The following CWF19L2 variants were observed in gnomAD, a reference collection of about 807,000 sequenced individuals.
CWF19L2 encodes CWF19-like protein 2.
Under a neutral mutation model 111.7 loss-of-function variants are expected in CWF19L2, and 98 were observed. The ratio of observed to expected loss-of-function variants is 0.88; its 90% confidence interval spans 0.75 to 1.04. CWF19L2 has a LOEUF of 1.04. Among genes scored for constraint, CWF19L2 ranks in the 50% least tolerant of loss-of-function variants. The pLI is 0.00. For synonymous variants in CWF19L2, 351 were observed against 342.9 expected, an observed-to-expected ratio of 1.02 and a Z score of -0.26; for missense variants, 1,101 against 1,051.4, an observed-to-expected ratio of 1.05 and a Z score of -0.65.
At chr11:107,425,206 AC>A (rs1484174380) in intron 8 of CWF19L2, among the ~76,000 whole-genome samples, 12 of 151,760 alleles carry the variant, frequency 7.9e-5, no homozygotes, top group Middle Eastern at 3.4e-3. Flanking sequence ...ACACACACAC[AC>A]ACACACACAA....
In CWF19L2 at chr11:107,446,337, A is replaced by C. The variant is rs919021412; in HGVS notation, c.340-3288T>G. The stretch of plus-strand genomic sequence containing the variant: ...CATACATACACACATACTCACACTC[A>C]TATTATCTCATACTTCCATGTCTCT... On this transcript the variant is annotated intron_variant, in intron 3 of 17. Transcript: ENST00000282251. Among the ~76,000 whole-genome samples the C allele has an allele frequency of 2.0e-5, 3 of 152,226 alleles. No individual in the cohort carries two copies. In the South Asian group the frequency reaches 6.2e-4, roughly 32 times the overall value.
intron 10 of CWF19L2, among the ~76,000 whole-genome samples, chr11:107,414,457 T>C (rs752443385): frequency 6.6e-6 from 1 of 152,204 alleles, no homozygotes; most frequent in Non-Finnish European, 1.5e-5. Flanking sequence ...TGCAGTATCA[T>C]AGATTTAAAT....
At chr11:107,446,373 T>C (rs532555283) in intron 3 of CWF19L2, among the ~76,000 whole-genome samples, 2 of 152,372 alleles carry the variant, frequency 1.3e-5, no homozygotes, top group South Asian at 4.1e-4. Flanking sequence ...GCTCTCGCAA[T>C]TCCTTATGCA....
chr11:107,413,496 A>G (rs191374369), intron 10 of CWF19L2, among the ~76,000 whole-genome samples: 1 of 152,206 alleles, frequency 6.6e-6, no homozygotes, highest in Non-Finnish European at 1.5e-5. Flanking sequence ...GTGGAAGGCT[A>G]TGCTGCAGGA....
In CWF19L2 at chr11:107,429,138, C is replaced by T; in HGVS notation, c.1094G>A (p.Arg365Lys). ...QNQEFSFGNL[R>K]AKFLRPSDDE... ...ATCAGAGGGTCTCAAGAATTTAGCTCTCAAATTGCCAAAAGAAAACTCTTG... is the reference window on the plus strand; with the variant it reads ...ATCAGAGGGTCTCAAGAATTTAGCTTTCAAATTGCCAAAAGAAAACTCTTG... Residue 365 changes from arginine (R) to lysine (K), a missense_variant, in exon 8 of 18, where the codon AGA (arginine) becomes AAA (lysine). Physicochemically the swap from Arg to Lys is conservative, Grantham distance 26. Transcript: ENST00000282251. The T allele has an allele frequency of 1.2e-6, 2 of 1,613,738 alleles. No individual in the cohort carries two copies. The highest frequency in any genetic ancestry group is 1.7e-6 in the Non-Finnish European group (2 of 1,179,790).
intron 12 of CWF19L2, among the ~76,000 whole-genome samples, chr11:107,369,099 T>C (rs1860473140): frequency 7.3e-6 from 1 of 137,840 alleles, no homozygotes; most frequent in South Asian, 2.5e-4. Context: ...GAATTTAGCT[T>C]GGCCAGAATG....
chr11:107,457,121 T>C (rs866040180), intron 1 of CWF19L2, among the ~76,000 whole-genome samples: 1 of 152,220 alleles, frequency 6.6e-6, no homozygotes, highest in Non-Finnish European at 1.5e-5. Context: ...CTCCATTCTT[T>C]GTATGTTACC....
At chr11:107,417,760 T>C (rs1439453752) in intron 9 of CWF19L2, among the ~76,000 whole-genome samples, 1 of 10,780 alleles carries the variant, frequency 9.3e-5, no homozygotes, top group Non-Finnish European at 1.4e-4. Context: ...GTTCGAGAAT[T>C]TTTTTTTTTT....
At chr11:107,369,095 A>G (rs973081779) in intron 12 of CWF19L2, among the ~76,000 whole-genome samples, 2 of 138,158 alleles carry the variant, frequency 1.4e-5, no homozygotes, top group South Asian at 2.5e-4. Flanking sequence ...ATCAGAATTT[A>G]GCTTGGCCAG....
intron 12 of CWF19L2, among the ~76,000 whole-genome samples, chr11:107,387,796 C>A (rs1015695224): frequency 5.9e-5 from 9 of 152,162 alleles, no homozygotes; most frequent in African/African-American, 1.2e-4. Flanking sequence ...GGAGATCAGA[C>A]AATAATGCCG....
In CWF19L2 at chr11:107,432,626, A is replaced by T. The variant is rs75008696; in HGVS notation, c.780+1008T>A. 3.3e-5 allele frequency among the ~76,000 whole-genome samples: 5 copies of T among 152,198 alleles called. No individual in the cohort carries two copies. In the South Asian group the frequency reaches 1.0e-3, roughly 31 times the overall value. On this transcript the variant is annotated intron_variant, in intron 7 of 17. Transcript: ENST00000282251. ...CAATTCACCAGTAAACAAATGTATA[A>T]AAACAAAAGCAAAACTTAAAAACTC...
rs1349132238 is a variant in CWF19L2, at chr11:107,365,237, T to C, written c.1873-11501A>G. Among the ~76,000 whole-genome samples, 65 of 148,040 alleles carry C rather than the reference T, an allele frequency of 4.4e-4. 1 individual carries two copies. Among genetic ancestry groups the C allele is most frequent in the Middle Eastern group, 3.5e-3 (1 of 286 alleles). Reference sequence around the variant, plus strand: ...CAGATGGATTCACAGCCGAATTCTATCAGAGGTACAAGGAGGAACTGGTAC... The same window carrying C: ...CAGATGGATTCACAGCCGAATTCTACCAGAGGTACAAGGAGGAACTGGTAC... On this transcript the variant is annotated intron_variant, in intron 12 of 17. Coordinates refer to ENST00000282251, the MANE Select transcript of CWF19L2 (RefSeq NM_152434.3).
chr11:107,428,737 T>C (rs2135408412), intron 8 of CWF19L2, 62 bp downstream of exon 8: 3 of 1,284,790 alleles, frequency 2.3e-6, no homozygotes, highest in Middle Eastern at 2.3e-4. Context: ...GTTCTAAAAA[T>C]ACAGTTCTGT....
At chr11:107,417,423 A>G (rs970755685) in intron 9 of CWF19L2, among the ~76,000 whole-genome samples, 2 of 152,232 alleles carry the variant, frequency 1.3e-5, no homozygotes, top group African/African-American at 4.8e-5. Context: ...TTAAATGAGT[A>G]AGCCTACACA....
chr11:107,381,389 C>A (rs1201451136), intron 12 of CWF19L2, among the ~76,000 whole-genome samples: 15 of 152,170 alleles, frequency 9.9e-5, no homozygotes, highest in Admixed American at 9.8e-4. Context: ...GCAGCCTGAA[C>A]TGGATTCAAG....
chr11:107,417,624 A>G (rs1861245308), intron 9 of CWF19L2, among the ~76,000 whole-genome samples: 1 of 152,230 alleles, frequency 6.6e-6, no homozygotes, highest in Admixed American at 6.5e-5. Context: ...AAATGCAGGA[A>G]TAAAGTAAAT....
intron 17 of CWF19L2, 28 bp from the exon 18 acceptor site, chr11:107,327,081 A>G: frequency 6.4e-7 from 1 of 1,558,208 alleles, no homozygotes; most frequent in Non-Finnish European, 8.6e-7. Context: ...AAGCACAAAC[A>G]CAAGCATGTA....
In CWF19L2 at chr11:107,392,780, A is replaced by G; in HGVS notation, c.1733T>C (p.Met578Thr). ...AACAAAGACATATGTTAAACATACCATCTGTCTCTTTCTTCTTCCTCCTTG... is the reference window on the plus strand; with the variant it reads ...AACAAAGACATATGTTAAACATACCGTCTGTCTCTTTCTTCTTCCTCCTTG... Reference protein sequence around the residue: ...ESQGGRRKRQMVSTHEERERV... With the variant: ...ESQGGRRKRQTVSTHEERERV... The change falls in exon 11 of 18, where the codon ATG (methionine) becomes ACG (threonine). Residue 578 changes from methionine to threonine, a missense_variant and splice_region_variant. Transcript: ENST00000282251. 1 of 1,549,250 alleles carries G rather than the reference A, an allele frequency of 6.5e-7. No homozygotes were observed. Among genetic ancestry groups the G allele is most frequent in the Non-Finnish European group, 8.8e-7 (1 of 1,131,134 alleles).
rs1009051551 is a variant in CWF19L2, at chr11:107,372,295, T to C, written c.1872+17779A>G. ...AACGAGTCAGAGGTAAAGGCTTCCCTGAAAGAGTTATGATAAAGATGAGAT... is the reference window on the plus strand; with the variant it reads ...AACGAGTCAGAGGTAAAGGCTTCCCCGAAAGAGTTATGATAAAGATGAGAT... On this transcript the variant is annotated intron_variant, in intron 12 of 17. Coordinates refer to ENST00000282251, the MANE Select transcript of CWF19L2 (RefSeq NM_152434.3). Among the ~76,000 whole-genome samples, 4 of 135,192 alleles carry C rather than the reference T, an allele frequency of 3.0e-5. 1 individual carries two copies. Among genetic ancestry groups the C allele is most frequent in the East Asian group, 2.1e-4 (1 of 4,710 alleles). 88.7% of individuals were successfully genotyped at this position (135,192 alleles called of 152,430 possible).
Sources: gnomAD v4.1 joint callset for allele counts (sites outside exome capture counted in the v4.1 genomes callset) on GRCh38, gnomAD v4.1.1 for gene constraint, MANE v1.5 for transcripts, NCBI Gene and HGNC (gene_info 2026-07-23, HGNC 2026-07-21) for gene names.